The following LAMA3 variants were observed in gnomAD, a reference collection of about 807,000 sequenced individuals.
LAMA3 encodes the protein laminin subunit alpha 3.
In LAMA3, 281 loss-of-function variants were observed where a neutral mutation model predicts 402.0. The observed-to-expected ratio is 0.70, with a 90% confidence interval of 0.63 to 0.77. LAMA3 has a LOEUF of 0.77. Among genes scored for constraint, LAMA3 ranks in the 30% least tolerant of loss-of-function variants. The pLI, the probability that LAMA3 is intolerant of heterozygous loss-of-function variation, is 0.00. For synonymous variants in LAMA3, 1,431 were observed against 1,558.4 expected (o/e 0.92, Z 1.93); for missense variants, 3,840 against 4,215.5 (o/e 0.91, Z 2.47).
Position 23,871,681 on chromosome 18 carries a change from G to T in LAMA3, c.4998+20G>T. ...TGTCAGGTAGGAAGTTTTCCCATCC[G>T]CAACATTTCCCTAGGGAGCTCCTGT... On this transcript the variant is annotated intron_variant, in intron 38 of 74. Coordinates refer to ENST00000313654, the MANE Select transcript of LAMA3 (RefSeq NM_198129.4). 1 of 1,568,458 alleles carries T rather than the reference G, an allele frequency of 6.4e-7. No homozygotes were observed. Among genetic ancestry groups the T allele is most frequent in the East Asian group, 2.3e-5 (1 of 43,114 alleles).
At chr18:23,946,351 A>C in intron 70 of LAMA3, 67 bp downstream of exon 70, 9 of 1,483,284 alleles carry the variant, frequency 6.1e-6, no homozygotes, top group Non-Finnish European at 8.5e-6. Context: ...TAATTGTATG[A>C]GATATTCAAA....
chr18:23,720,894 T>A (rs1164498636), intron 2 of LAMA3, among the ~76,000 whole-genome samples: 1 of 152,168 alleles, frequency 6.6e-6, no homozygotes, highest in African/African-American at 2.4e-5. Flanking sequence ...CAGTGTCTCA[T>A]GTCTATAATC....
In LAMA3 at chr18:23,689,843, C is replaced by T. The variant is rs565693075; in HGVS notation, c.160C>T (p.Leu54=). 140 of 1,553,776 alleles carry T rather than the reference C, an allele frequency of 9.0e-5. No homozygotes were observed. The African/African-American group carries it at 1.8e-3, about 20-fold the overall frequency. ...CAGCCTTCACCCGACTTACTTCAAC[C>T]TGGCCGAGGCGGCGAGGATTTGGGC... ...GLSLHPTYFN[L]AEAARIWATA... The change falls in exon 1 of 75, where the codon CTG becomes TTG. Residue 54 remains leucine, a synonymous_variant. Transcript: ENST00000313654.
chr18:23,775,701 G>A (rs2062301464), intron 9 of LAMA3, 91 bp from the exon 10 acceptor site: 1 of 1,419,658 alleles, frequency 7.0e-7, no homozygotes, highest in Non-Finnish European at 9.9e-7. Context: ...CAAGGATCAA[G>A]TATGGAACGT....
At chr18:23,812,714 G>A (rs938602) in intron 13 of LAMA3, among the ~76,000 whole-genome samples, 120,408 of 152,162 alleles carry the variant, frequency 0.79, 48,408 homozygotes, top group African/African-American at 0.94. Flanking sequence ...GCAATTAAAA[G>A]TCTCTTGGTA....
At chr18:23,840,772 A>C (rs2063684670) in intron 27 of LAMA3, among the ~76,000 whole-genome samples, 2 of 152,228 alleles carry the variant, frequency 1.3e-5, no homozygotes, top group African/African-American at 4.8e-5. Context: ...TTATAAAAAT[A>C]TAATTTACAT....
rs558534893 is a variant in LAMA3, at chr18:23,730,512, C to T, written c.447+16440C>T. On this transcript the variant is annotated intron_variant, in intron 2 of 74. Coordinates refer to ENST00000313654, the MANE Select transcript of LAMA3 (RefSeq NM_198129.4). Reference sequence around the variant, plus strand: ...CCTCCTGAGTAGCCGGGATTACAGGCACCCACCATCACGCCCAGCTAATTT... The same window carrying T: ...CCTCCTGAGTAGCCGGGATTACAGGTACCCACCATCACGCCCAGCTAATTT... Among the ~76,000 whole-genome samples the T allele has an allele frequency of 4.6e-5, 7 of 152,094 alleles. No homozygotes were observed. The South Asian group carries it at 1.2e-3, about 27-fold the overall frequency.
rs775530181 is a variant in LAMA3 at position 23,758,549 on chromosome 18, TC to T, written c.1063+39del. On this transcript the variant is annotated intron_variant, in intron 7 of 74. Coordinates refer to ENST00000313654, the MANE Select transcript of LAMA3 (RefSeq NM_198129.4). ...ATGGGGTGGGGGCCACACGTGGCCT[TC>T]TCCCCCCTCTCCCTGGGGGCTGAGG... 3 of 1,331,346 alleles carry T rather than the reference TC, an allele frequency of 2.3e-6. No individual in the cohort carries two copies. The East Asian group carries it at 7.7e-5, about 34-fold the overall frequency. 82.5% of individuals were successfully genotyped at this position (1,331,346 alleles called of 1,614,324 possible). A position where few individuals can be genotyped will look rare whatever the true frequency, so the allele number is the denominator to read the frequency against.
intron 15 of LAMA3, 123 bp from the exon 16 acceptor site, chr18:23,815,065 T>C: frequency 2.4e-6 from 2 of 831,012 alleles, no homozygotes; most frequent in Admixed American, 3.9e-5. Flanking sequence ...CAAACTCTCA[T>C]TCTGTTGAAC....
At chr18:23,793,495 C>T (rs2062702145) in intron 12 of LAMA3, among the ~76,000 whole-genome samples, 1 of 151,542 alleles carries the variant, frequency 6.6e-6, no homozygotes, top group African/African-American at 2.4e-5. Context: ...CCCTGGGGGA[C>T]AAGGGAATGG....
At chr18:23,858,089 C>G (rs542454335) in intron 33 of LAMA3, 101 bp downstream of exon 33, 3 of 1,361,708 alleles carry the variant, frequency 2.2e-6, no homozygotes, top group African/African-American at 2.8e-5. Context: ...GGGACTGACC[C>G]GTAAGAGATG....
intron 2 of LAMA3, among the ~76,000 whole-genome samples, chr18:23,722,840 C>G (rs960901889): frequency 6.6e-6 from 1 of 152,100 alleles, no homozygotes; most frequent in Non-Finnish European, 1.5e-5. Context: ...TCTTACGATG[C>G]AACTTTGGGT....
At chr18:23,855,132 C>T (rs1467469661) in intron 32 of LAMA3, among the ~76,000 whole-genome samples, 1 of 152,232 alleles carries the variant, frequency 6.6e-6, no homozygotes, top group East Asian at 1.9e-4. Context: ...CCACCAATGG[C>T]GTTCAGTGTG....
rs534228200 is a variant in LAMA3, at chr18:23,925,325, C to T, written c.8178-2798C>T. Among the ~76,000 whole-genome samples, 8 of 152,238 alleles carry T rather than the reference C, an allele frequency of 5.3e-5. No homozygotes were observed. In the East Asian group the frequency reaches 7.7e-4, roughly 15 times the overall value. On this transcript the variant is annotated intron_variant, in intron 62 of 74. Transcript: ENST00000313654. ...CCCAGATCTTGGAATGGCTTGTTTC[C>T]GATTATAATCAGAAATCATTCTGTT...
chr18:23,814,611 A>G, intron 15 of LAMA3, 109 bp downstream of exon 15: 2 of 756,868 alleles, frequency 2.6e-6, no homozygotes, highest in Admixed American at 3.9e-5. Context: ...CTTCAATTTG[A>G]CAAGATTCTA....
intron 73 of LAMA3, among the ~76,000 whole-genome samples, chr18:23,952,330 AT>A (rs1372521203): frequency 1.3e-5 from 2 of 152,102 alleles, no homozygotes; most frequent in Non-Finnish European, 2.9e-5. Context: ...TTGTTGTGTT[AT>A]TTTTTTCAAC....
intron 12 of LAMA3, 29 bp from the exon 13 acceptor site, chr18:23,810,337 C>T: frequency 1.2e-6 from 2 of 1,613,932 alleles, no homozygotes; most frequent in Non-Finnish European, 1.7e-6. Flanking sequence ...GCAACCCCCG[C>T]CTAAGTCTGA....
At chr18:23,695,458 A>G (rs2060666418) in intron 1 of LAMA3, among the ~76,000 whole-genome samples, 2 of 152,124 alleles carry the variant, frequency 1.3e-5, no homozygotes, top group African/African-American at 4.8e-5. Context: ...TGATAACTCA[A>G]AATGTGGCCC....
At chr18:23,916,919 A>G (rs867280192) in intron 60 of LAMA3, among the ~76,000 whole-genome samples, 4 of 147,710 alleles carry the variant, frequency 2.7e-5, no homozygotes, top group African/African-American at 7.5e-5. Flanking sequence ...CAGGTTTGTT[A>G]TATAGGTAAA....
Sources: allele counts gnomAD v4.1 joint callset (sites outside exome capture counted in the v4.1 genomes callset), GRCh38; gene constraint gnomAD v4.1.1; transcripts MANE v1.5; gene names NCBI Gene and HGNC (gene_info 2026-07-23, HGNC 2026-07-21).